The following EFNA5 variants were observed in gnomAD, a reference collection of about 807,000 sequenced individuals.
The protein encoded by EFNA5 is ephrin-A5.
Under a neutral mutation model 22.9 loss-of-function variants are expected in EFNA5, and 5 were observed. The observed-to-expected ratio is 0.22, with a 90% confidence interval of 0.11 to 0.46. EFNA5 has a LOEUF of 0.46. Ranked by LOEUF, EFNA5 falls within the 20% of genes least tolerant of loss-of-function variation. The probability of loss-of-function intolerance (pLI) is 0.99; values close to 1 mark genes in which losing one functional copy is unlikely to be tolerated. For synonymous variants in EFNA5, 113 were observed against 112.2 expected (o/e 1.01, Z -0.04); for missense variants, 237 against 293.3 (o/e 0.81, Z 1.40).
At chr5:107,551,061 G>T (rs1020371044) in intron 1 of EFNA5, among the ~76,000 whole-genome samples, 1 of 152,180 alleles carries the variant, frequency 6.6e-6, no homozygotes, top group African/African-American at 2.4e-5. Flanking sequence ...GCCAGGTGAT[G>T]ACCTAAGAGC....
chr5:107,522,809 T>G (rs140343455), intron 1 of EFNA5, among the ~76,000 whole-genome samples: 1 of 152,090 alleles, frequency 6.6e-6, no homozygotes, highest in Non-Finnish European at 1.5e-5. Flanking sequence ...ACATTTCTGG[T>G]TTTTATGAAC....
intron 2 of EFNA5, among the ~76,000 whole-genome samples, chr5:107,401,186 C>T (rs1443492289): frequency 2.0e-5 from 3 of 152,102 alleles, no homozygotes; most frequent in African/African-American, 7.2e-5. Flanking sequence ...ATAGTAATAC[C>T]GATGTGCTAC....
intron 1 of EFNA5, among the ~76,000 whole-genome samples, chr5:107,554,632 A>G (rs1044389792): frequency 6.6e-6 from 1 of 152,228 alleles, no homozygotes; most frequent in Non-Finnish European, 1.5e-5. Flanking sequence ...ATAGGCAAAG[A>G]GAAATATCCA....
intron 2 of EFNA5, among the ~76,000 whole-genome samples, chr5:107,423,800 T>C (rs1221977086): frequency 1.3e-5 from 2 of 152,172 alleles, no homozygotes; most frequent in East Asian, 3.8e-4. Context: ...TAATATACTG[T>C]CTGTTCCCAA....
At chr5:107,586,499 C>T (rs1372510858) in intron 1 of EFNA5, among the ~76,000 whole-genome samples, 1 of 152,174 alleles carries the variant, frequency 6.6e-6, no homozygotes, top group East Asian at 1.9e-4. Flanking sequence ...CTCTTCCATG[C>T]ATCTGGACCC....
intron 1 of EFNA5, among the ~76,000 whole-genome samples, chr5:107,472,141 G>A (rs554613108): frequency 2.0e-5 from 3 of 152,200 alleles, no homozygotes; most frequent in Non-Finnish European, 4.4e-5. Flanking sequence ...AGTAAATGTG[G>A]ATATTAAAGG....
intron 1 of EFNA5, among the ~76,000 whole-genome samples, chr5:107,453,471 TA>T (rs1430594665): frequency 6.6e-6 from 1 of 152,234 alleles, no homozygotes; most frequent in Non-Finnish European, 1.5e-5. Flanking sequence ...GACTCTTTCT[TA>T]TGCACTCTAT....
chr5:107,561,583 T>A (rs589868), intron 1 of EFNA5, among the ~76,000 whole-genome samples: 6,569 of 152,246 alleles, frequency 0.043, 422 homozygotes, highest in African/African-American at 0.14. Flanking sequence ...TTGGCTAGGC[T>A]GGTCTCGAAC....
chr5:107,403,031 G>A (rs539101545), intron 2 of EFNA5, among the ~76,000 whole-genome samples: 25 of 152,298 alleles, frequency 1.6e-4, no homozygotes, highest in Middle Eastern at 3.4e-3. Flanking sequence ...AATGGCCAGC[G>A]TGCTGTGCCT....
intron 1 of EFNA5, among the ~76,000 whole-genome samples, chr5:107,576,697 G>T (rs1748935853): frequency 6.6e-6 from 1 of 152,204 alleles, no homozygotes; most frequent in South Asian, 2.1e-4. Flanking sequence ...GTTTATAAAG[G>T]TTCTTATAAA....
At chr5:107,630,529 G>A (rs1750228423) in intron 1 of EFNA5, among the ~76,000 whole-genome samples, 1 of 151,878 alleles carries the variant, frequency 6.6e-6, no homozygotes, top group Admixed American at 6.6e-5. Context: ...CACCTATATA[G>A]AACATTACCA....
chr5:107,493,213 GTTTT>G (rs571288389), intron 1 of EFNA5, among the ~76,000 whole-genome samples: 1 of 142,002 alleles, frequency 7.0e-6, no homozygotes, highest in African/African-American at 2.7e-5. Context: ...TTTGTTTTTT[GTTTT>G]TTTTTTATCT....
rs1241150641 is a variant in EFNA5 at position 107,448,842 on chromosome 5, T to TAAATAAATAAAC, written c.126-21334_126-21333insGTTTATTTATTT. ...GAAACTCTGTCTCACAATAAATAAATAAATAAATAAATAAATAAATAAATA... is the reference window on the plus strand; with the variant it reads ...GAAACTCTGTCTCACAATAAATAAATAAATAAATAAACAAATAAATAAATAAATAAATAAATA... On this transcript the variant is annotated intron_variant, in intron 1 of 4. Transcript: ENST00000333274. Among the ~76,000 whole-genome samples, 57 of 116,568 alleles carry TAAATAAATAAAC rather than the reference T, an allele frequency of 4.9e-4. 1 individual carries two copies. The East Asian group carries it at 0.01, about 21-fold the overall frequency. 76.5% of individuals were successfully genotyped at this position (116,568 alleles called of 152,430 possible). A position where few individuals can be genotyped will look rare whatever the true frequency, so the allele number is the denominator to read the frequency against.
chr5:107,549,071 T>G (rs955796173), intron 1 of EFNA5, among the ~76,000 whole-genome samples: 1 of 152,222 alleles, frequency 6.6e-6, no homozygotes, highest in African/African-American at 2.4e-5. Flanking sequence ...TTCTTTTCTA[T>G]GCAATCTAGC....
rs190721117 is a variant in EFNA5 at position 107,468,088 on chromosome 5, A to G, written c.126-40579T>C. 7.9e-4 allele frequency among the ~76,000 whole-genome samples: 120 copies of G among 152,326 alleles called. 1 individual carries two copies. Among genetic ancestry groups the G allele is most frequent in the Admixed American group, 1.2e-3 (18 of 15,300 alleles). Reference sequence around the variant, plus strand: ...TGGTAGAACGGATAGCATACAAGCCATATACCATTCTTTTTAAAAGCAGAG... The same window carrying G: ...TGGTAGAACGGATAGCATACAAGCCGTATACCATTCTTTTTAAAAGCAGAG... On this transcript the variant is annotated intron_variant, in intron 1 of 4. Transcript: ENST00000333274.
chr5:107,388,249 G>A (rs1179241692), intron 2 of EFNA5, among the ~76,000 whole-genome samples: 6 of 152,160 alleles, frequency 3.9e-5, no homozygotes, highest in Non-Finnish European at 7.4e-5. Flanking sequence ...TTTCTGCTGG[G>A]GAAAGCAGAG....
intron 1 of EFNA5, among the ~76,000 whole-genome samples, chr5:107,552,512 A>G (rs1748321880): frequency 6.6e-6 from 1 of 152,228 alleles, no homozygotes; most frequent in Middle Eastern, 3.2e-3. Flanking sequence ...AGTGATAACT[A>G]CAGGCTCCAA....
chr5:107,616,728 G>A (rs1311838835), intron 1 of EFNA5, among the ~76,000 whole-genome samples: 1 of 152,102 alleles, frequency 6.6e-6, no homozygotes, highest in Non-Finnish European at 1.5e-5. Flanking sequence ...CTATATCTGG[G>A]CAGTTAGCTT....
intron 1 of EFNA5, among the ~76,000 whole-genome samples, chr5:107,599,922 C>T (rs1749559404): frequency 6.6e-6 from 1 of 152,210 alleles, no homozygotes; most frequent in Non-Finnish European, 1.5e-5. Context: ...AAAGTACCTG[C>T]TATTGTCCAA....
Sources: gnomAD v4.1 joint callset for allele counts (sites outside exome capture counted in the v4.1 genomes callset) on GRCh38, gnomAD v4.1.1 for gene constraint, MANE v1.5 for transcripts, NCBI Gene and HGNC (gene_info 2026-07-23, HGNC 2026-07-21) for gene names.